The following PRH1 variants were observed in gnomAD, a reference collection of about 807,000 sequenced individuals.
PRH1 encodes salivary acidic proline-rich phosphoprotein 1/2.
A neutral mutation model predicts 7.9 loss-of-function variants in PRH1; 7 were observed. That is an observed-to-expected ratio of 0.89 (90% CI 0.50 to 1.67). PRH1 has a LOEUF of 1.67. Among genes scored for constraint, PRH1 ranks in the 40% most tolerant of loss-of-function variants. The probability of loss-of-function intolerance (pLI) is 0.00; values close to 1 mark genes in which losing one functional copy is unlikely to be tolerated. For missense variants in PRH1, 109 were observed against 223.6 expected, an observed-to-expected ratio of 0.49 and a Z score of 3.27; for synonymous variants, 45 against 80.8, an observed-to-expected ratio of 0.56 and a Z score of 2.38.
intron 1 of PRH1, among the ~76,000 whole-genome samples, chr12:10,975,697 C>T (rs185715244): frequency 6.7e-6 from 1 of 149,258 alleles, no homozygotes; most frequent in East Asian, 2.0e-4. Context: ...TAATGATACG[C>T]ATAGGCTCGA....
intron 1 of PRH1, among the ~76,000 whole-genome samples, chr12:11,010,610 G>A (rs1344748274): frequency 6.6e-6 from 1 of 151,834 alleles, no homozygotes; most frequent in African/African-American, 2.4e-5. Flanking sequence ...GCCATATTCA[G>A]CCAAAGTAAT....
At chr12:10,961,630 T>A (rs1456235104) in intron 2 of PRH1, among the ~76,000 whole-genome samples, 1 of 152,180 alleles carries the variant, frequency 6.6e-6, no homozygotes, top group Non-Finnish European at 1.5e-5. Context: ...CATCCTACCA[T>A]CCTTCCTTGA....
intron 1 of PRH1, among the ~76,000 whole-genome samples, chr12:11,121,607 C>G (rs1244985447): frequency 6.6e-6 from 1 of 152,112 alleles, no homozygotes; most frequent in Non-Finnish European, 1.5e-5. Flanking sequence ...TATGTTTCTT[C>G]ATTCCTATTA....
upstream of PRH1, among the ~76,000 whole-genome samples, chr12:10,887,892 T>C (rs1230141242): frequency 6.7e-6 from 1 of 149,992 alleles, no homozygotes; most frequent in East Asian, 2.0e-4. Context: ...AGTATCACTC[T>C]GCTATCCACC....
intron 1 of PRH1, among the ~76,000 whole-genome samples, chr12:11,150,367 A>C (rs1297537474): frequency 2.0e-5 from 3 of 152,148 alleles, no homozygotes; most frequent in African/African-American, 7.2e-5. Flanking sequence ...AGACACATGC[A>C]CACGTATGTT....
intron 1 of PRH1, among the ~76,000 whole-genome samples, chr12:11,015,458 C>T (rs1396004571): frequency 5.3e-5 from 8 of 151,978 alleles, no homozygotes; most frequent in South Asian, 2.1e-4. Flanking sequence ...TCTCTTTTTC[C>T]GCCTTATGCC....
chr12:11,032,711 T>C (rs1942279237), intron 1 of PRH1, among the ~76,000 whole-genome samples: 1 of 152,224 alleles, frequency 6.6e-6, no homozygotes, highest in Admixed American at 6.5e-5. Context: ...AATGTTTAAA[T>C]ATTATTATAA....
chr12:10,938,581 G>C (rs750129801), intron 2 of PRH1: 3 of 1,613,958 alleles, frequency 1.9e-6, no homozygotes, highest in East Asian at 2.2e-5. Context: ...GCATCTTCTT[G>C]CGATGTTTCC....
chr12:10,884,716 G>T (rs1344179606), upstream of PRH1, among the ~76,000 whole-genome samples: 3 of 152,138 alleles, frequency 2.0e-5, no homozygotes, highest in Non-Finnish European at 4.4e-5. Flanking sequence ...CATGATGTGT[G>T]TGCGTGGATA....
chr12:11,106,165 C>T lies in PRH1; in HGVS notation n.124-58977G>A, dbSNP rs1214091644. Among the ~76,000 whole-genome samples the T allele has an allele frequency of 4.1e-5, 2 of 48,382 alleles. 1 individual carries two copies. The highest frequency in any genetic ancestry group is 1.2e-4 in the Non-Finnish European group (2 of 16,300). The allele number at this position is 48,382 out of a possible 152,430, so 31.7% of individuals were successfully genotyped here. On this transcript the variant is annotated intron_variant and non_coding_transcript_variant, in intron 1 of 4. Transcript: ENST00000541977. ...CCGTGTTAGCCAGGATGGTCTCGATCTCCTGACCTCGTGATCCGCCCGCCT... is the reference window on the plus strand; with the variant it reads ...CCGTGTTAGCCAGGATGGTCTCGATTTCCTGACCTCGTGATCCGCCCGCCT...
chr12:10,882,184 G>A, intron 3 of PRH1, 33 bp downstream of exon 3: 2 of 1,610,848 alleles, frequency 1.2e-6, no homozygotes, highest in Non-Finnish European at 1.7e-6. Flanking sequence ...GTAGCAGTTG[G>A]AGCCTTTGAT....
chr12:10,982,512 A>G (rs1939406101), intron 1 of PRH1, among the ~76,000 whole-genome samples: 2 of 152,208 alleles, frequency 1.3e-5, no homozygotes, highest in African/African-American at 2.4e-5. Context: ...ATCTACACAC[A>G]TTGTGGAGGA....
chr12:11,039,276 G>A (rs1942594085), intron 1 of PRH1, among the ~76,000 whole-genome samples: 1 of 152,182 alleles, frequency 6.6e-6, no homozygotes, highest in South Asian at 2.1e-4. Context: ...TCCTAAGTGT[G>A]CAGTAATGTT....
At chr12:11,171,075 G>A (rs958934203) in intron 1 of PRH1, 55 of 365,318 alleles carry the variant, frequency 1.5e-4, no homozygotes, top group Middle Eastern at 7.0e-4. Flanking sequence ...CTGCATGGAT[G>A]TTCGTACATG....
chr12:11,137,901 C>T (rs1946600779), intron 1 of PRH1, among the ~76,000 whole-genome samples: 1 of 152,040 alleles, frequency 6.6e-6, no homozygotes, highest in South Asian at 2.1e-4. Context: ...AATGTGATTT[C>T]AGTCTTGTTT....
intron 1 of PRH1, among the ~76,000 whole-genome samples, chr12:11,115,660 T>C (rs1190710958): frequency 1.3e-5 from 2 of 152,086 alleles, no homozygotes; most frequent in Non-Finnish European, 2.9e-5. Flanking sequence ...AAAACAAGTC[T>C]TGAACAATCC....
chr12:10,990,955 C>T (rs972454628), intron 1 of PRH1, among the ~76,000 whole-genome samples: 4 of 152,176 alleles, frequency 2.6e-5, no homozygotes, highest in Admixed American at 6.5e-5. Flanking sequence ...GAAGAAACAA[C>T]GCTGGAGACT....
rs901942133 is a variant in PRH1 at position 11,029,892 on chromosome 12, T to C, written c.-126+17128A>G. 1.4e-4 allele frequency among the ~76,000 whole-genome samples: 22 copies of C among 152,212 alleles called. 1 individual carries two copies. Among genetic ancestry groups the C allele is most frequent in the Admixed American group, 1.2e-3 (18 of 15,282 alleles). Reference sequence around the variant, plus strand: ...TCATAATGGAATAAAACACCAAAGATACATCCTCATTATTGATTTAGAATT... The same window carrying C: ...TCATAATGGAATAAAACACCAAAGACACATCCTCATTATTGATTTAGAATT... On this transcript the variant is annotated intron_variant, in intron 1 of 3. Transcript: ENST00000539853.
chr12:11,150,692 G>A (rs1044443455), intron 1 of PRH1, among the ~76,000 whole-genome samples: 13 of 152,086 alleles, frequency 8.5e-5, no homozygotes, highest in African/African-American at 3.1e-4. Flanking sequence ...AAGGGGAAGG[G>A]ATAGCATTAG....
Sources: gnomAD v4.1 joint callset for allele counts (sites outside exome capture counted in the v4.1 genomes callset) on GRCh38, gnomAD v4.1.1 for gene constraint, MANE v1.5 for transcripts, NCBI Gene and HGNC (gene_info 2026-07-23, HGNC 2026-07-21) for gene names.